Variants in DYM observed in about 807,000 individuals in gnomAD.
DYM encodes the protein dymeclin, also known as dyggve-Melchior-Clausen syndrome protein.
A neutral mutation model predicts 93.1 loss-of-function variants in DYM; 78 were observed. The observed-to-expected ratio is 0.84, with a 90% CI of 0.70 to 1.01. DYM has a LOEUF of 1.01. DYM is among the 50% of genes least tolerant of loss of function. DYM has a pLI of 0.00. For synonymous variants in DYM, 321 were observed against 319.7 expected (o/e 1.00, Z -0.04); for missense variants, 789 against 845.0 (o/e 0.93, Z 0.82).
At chr18:49,140,131 A>G (rs1433151820) in intron 15 of DYM, among the ~76,000 whole-genome samples, 1 of 152,176 alleles carries the variant, frequency 6.6e-6, no homozygotes, top group Non-Finnish European at 1.5e-5. Context: ...CATAAGTAAC[A>G]TAATAGTAAA....
chr18:49,098,140 G>A (rs977669615), intron 16 of DYM, among the ~76,000 whole-genome samples: 8 of 152,054 alleles, frequency 5.3e-5, no homozygotes, highest in Admixed American at 3.3e-4. Flanking sequence ...ACTAAAAAAT[G>A]AAAACAAAAC....
rs968194960 is a variant in DYM, at chr18:49,041,008, G to T, written c.*3047C>A. On this transcript the variant is annotated 3_prime_UTR_variant, in exon 18 of 18. Transcript: ENST00000675505. ...TTCTATCGTCTACTTCCCAGCTCCTGTGCTTTCCTTCCAGAGAGAACTGTG... is the reference window on the plus strand; with the variant it reads ...TTCTATCGTCTACTTCCCAGCTCCTTTGCTTTCCTTCCAGAGAGAACTGTG... Among the ~76,000 whole-genome samples, 2 of 152,194 alleles carry T rather than the reference G, an allele frequency of 1.3e-5. No individual in the cohort carries two copies. The highest frequency in any genetic ancestry group is 2.4e-5 in the African/African-American group (1 of 41,454).
rs191268082 is a variant in DYM, at chr18:49,290,970, A to T, written c.764-4354T>A. Among the ~76,000 whole-genome samples, 3 of 152,334 alleles carry T rather than the reference A, an allele frequency of 2.0e-5. No homozygotes were observed. In the East Asian group the frequency reaches 5.8e-4, roughly 29 times the overall value. ...AAAAATGTGATGCAAATACTTTGGA[A>T]CTAGGACAAAGCCCTGTAATTTTTA... is the stretch of plus-strand genomic sequence containing the variant. On this transcript the variant is annotated intron_variant, in intron 8 of 17. Transcript: ENST00000675505.
intron 17 of DYM, among the ~76,000 whole-genome samples, chr18:49,053,732 A>G (rs1348000969): frequency 1.3e-5 from 2 of 152,214 alleles, no homozygotes; most frequent in African/African-American, 2.4e-5. Context: ...TTTGGGGATT[A>G]CGTAGCCTCA....
chr18:49,103,906 G>C (rs1456075642), intron 16 of DYM, among the ~76,000 whole-genome samples: 5 of 150,494 alleles, frequency 3.3e-5, no homozygotes, highest in Non-Finnish European at 5.9e-5. Flanking sequence ...CTCTTTTTTG[G>C]TTCCATATGA....
intron 15 of DYM, among the ~76,000 whole-genome samples, chr18:49,162,825 A>C (rs905756591): frequency 6.6e-6 from 1 of 152,170 alleles, no homozygotes; most frequent in Non-Finnish European, 1.5e-5. Flanking sequence ...CACTGCACTC[A>C]CAAGGTTGGA....
chr18:49,326,998 T>C (rs1487340191), intron 8 of DYM, among the ~76,000 whole-genome samples: 4 of 50,610 alleles, frequency 7.9e-5, no homozygotes, highest in African/African-American at 4.0e-4. Flanking sequence ...AAACCGTGTG[T>C]GTGTGTGTGT....
chr18:49,045,035 C>T (rs1010778073), intron 17 of DYM, among the ~76,000 whole-genome samples: 1 of 152,250 alleles, frequency 6.6e-6, no homozygotes, highest in African/African-American at 2.4e-5. Flanking sequence ...AGTGATTCCA[C>T]TTTCAGCAGC....
At chr18:49,353,791 A>G (rs2147207346) in intron 6 of DYM, among the ~76,000 whole-genome samples, 2 of 152,210 alleles carry the variant, frequency 1.3e-5, no homozygotes, top group South Asian at 4.1e-4. Context: ...CTAAATAAAT[A>G]GAAAGATATT....
intron 3 of DYM, among the ~76,000 whole-genome samples, chr18:49,387,612 A>C (rs931172547): frequency 2.0e-5 from 3 of 152,202 alleles, no homozygotes; most frequent in African/African-American, 7.2e-5. Context: ...CAGCAAGAAG[A>C]TTATGACTCA....
intron 13 of DYM, among the ~76,000 whole-genome samples, chr18:49,213,691 C>G (rs1413197868): frequency 6.6e-6 from 1 of 152,134 alleles, no homozygotes. Flanking sequence ...TAACCTTTAC[C>G]TAGACTGATA....
chr18:49,298,534 T>C (rs1026033363), intron 8 of DYM, among the ~76,000 whole-genome samples: 1 of 151,296 alleles, frequency 6.6e-6, no homozygotes, highest in African/African-American at 2.4e-5. Context: ...TAAGCTGAGA[T>C]TGCACCATTG....
intron 15 of DYM, among the ~76,000 whole-genome samples, chr18:49,143,259 GA>G (rs934807175): frequency 6.6e-6 from 1 of 152,196 alleles, no homozygotes; most frequent in East Asian, 1.9e-4. Context: ...AATGGGGAGT[GA>G]AGTCTGTCTG....
chr18:49,205,866 A>T (rs1316430503), intron 14 of DYM: 1 of 159,118 alleles, frequency 6.3e-6, no homozygotes, highest in African/African-American at 2.4e-5. Flanking sequence ...CTGCCTTCTG[A>T]GGTAAGCAGC....
chr18:49,094,302 A>G (rs1394443671), intron 17 of DYM, among the ~76,000 whole-genome samples: 5 of 152,234 alleles, frequency 3.3e-5, no homozygotes, highest in Non-Finnish European at 5.9e-5. Flanking sequence ...CTCCACAGTA[A>G]GCAAAATGCG....
chr18:49,176,955 A>G (rs1034135923), intron 14 of DYM, among the ~76,000 whole-genome samples: 3 of 152,158 alleles, frequency 2.0e-5, no homozygotes, highest in Non-Finnish European at 4.4e-5. Flanking sequence ...TTTCTCTATT[A>G]GAAAATTATG....
intron 8 of DYM, among the ~76,000 whole-genome samples, chr18:49,300,987 C>CCAT (rs2060895079): frequency 6.6e-6 from 1 of 152,100 alleles, no homozygotes; most frequent in Non-Finnish European, 1.5e-5. Flanking sequence ...CACGGTGCCT[C>CCAT]AAACCTTAAA....
intron 9 of DYM, among the ~76,000 whole-genome samples, chr18:49,282,443 T>A (rs969552108): frequency 1.3e-5 from 2 of 151,950 alleles, no homozygotes; most frequent in African/African-American, 2.4e-5. Flanking sequence ...TGAAACCCCA[T>A]CTCTACTAAA....
intron 14 of DYM, among the ~76,000 whole-genome samples, chr18:49,183,559 A>G (rs1479158629): frequency 1.3e-5 from 2 of 152,078 alleles, no homozygotes; most frequent in Non-Finnish European, 2.9e-5. Flanking sequence ...AATATTTACC[A>G]CATTTTCAAG....
Sources: allele counts gnomAD v4.1 joint callset (sites outside exome capture counted in the v4.1 genomes callset), GRCh38; gene constraint gnomAD v4.1.1; transcripts MANE v1.5; gene names NCBI Gene and HGNC (gene_info 2026-07-23, HGNC 2026-07-21).